The following PDE4B variants were observed in gnomAD, a reference collection of about 807,000 sequenced individuals.
PDE4B encodes phosphodiesterase 4B, also known as 3',5'-cyclic-AMP phosphodiesterase 4B.
A neutral mutation model predicts 82.2 loss-of-function variants in PDE4B; 20 were observed. The observed-to-expected ratio is 0.24, with a 90% CI of 0.17 to 0.35. The LOEUF (loss-of-function observed/expected upper bound fraction) is 0.35. Ranked by LOEUF, PDE4B falls within the 10% of genes least tolerant of loss-of-function variation. The pLI is 1.00. For synonymous variants in PDE4B, 320 were observed against 318.9 expected, an observed-to-expected ratio of 1.00 and a Z score of -0.04; for missense variants, 655 against 907.2, an observed-to-expected ratio of 0.72 and a Z score of 3.57.
intron 3 of PDE4B, among the ~76,000 whole-genome samples, chr1:66,068,921 GT>G (rs1425711951): frequency 6.6e-6 from 1 of 151,996 alleles, no homozygotes; most frequent in Non-Finnish European, 1.5e-5. Context: ...TCACCTCACA[GT>G]GTGGCTAAAT....
chr1:66,039,397 A>G (rs766862521), intron 3 of PDE4B, among the ~76,000 whole-genome samples: 3 of 152,092 alleles, frequency 2.0e-5, no homozygotes, highest in African/African-American at 4.8e-5. Context: ...GCTTTTCAAG[A>G]CATAGAGAAT....
At chr1:66,149,307 A>G (rs1413053896) in intron 3 of PDE4B, among the ~76,000 whole-genome samples, 1 of 152,118 alleles carries the variant, frequency 6.6e-6, no homozygotes, top group Non-Finnish European at 1.5e-5. Flanking sequence ...CATTTAAATT[A>G]TTATATTTTT....
intron 3 of PDE4B, among the ~76,000 whole-genome samples, chr1:66,051,208 A>G (rs1655008275): frequency 6.6e-6 from 1 of 152,042 alleles, no homozygotes; most frequent in African/African-American, 2.4e-5. Context: ...AAAGTATAAT[A>G]ATAATAAAAT....
intron 3 of PDE4B, among the ~76,000 whole-genome samples, chr1:65,937,458 C>A (rs1390910750): frequency 1.3e-5 from 2 of 152,190 alleles, no homozygotes; most frequent in African/African-American, 4.8e-5. Flanking sequence ...TGCCTCTCAG[C>A]TGCAGATCCT....
chr1:66,185,262 C>T (rs1331218363), intron 3 of PDE4B, among the ~76,000 whole-genome samples: 2 of 152,172 alleles, frequency 1.3e-5, no homozygotes, highest in African/African-American at 4.8e-5. Context: ...TGGGTTGGTT[C>T]CAAATCTTTG....
At chr1:65,797,601 A>T (rs1040475415) in intron 1 of PDE4B, among the ~76,000 whole-genome samples, 1 of 152,150 alleles carries the variant, frequency 6.6e-6, no homozygotes, top group African/African-American at 2.4e-5. Context: ...GGGAAGAAGA[A>T]GCCTCCCCAG....
chr1:66,193,482 A>G (rs1030616744), intron 3 of PDE4B, among the ~76,000 whole-genome samples: 10 of 152,136 alleles, frequency 6.6e-5, no homozygotes, highest in Non-Finnish European at 1.5e-4. Flanking sequence ...GACCAATTTC[A>G]AATTATTTTT....
At chr1:65,950,964 A>G (rs1220045087) in intron 3 of PDE4B, among the ~76,000 whole-genome samples, 3 of 152,104 alleles carry the variant, frequency 2.0e-5, no homozygotes, top group East Asian at 3.9e-4. Context: ...GAAATCTTCT[A>G]TAGTCTTGGA....
rs555680945 is a variant in PDE4B at position 66,334,571 on chromosome 1, C to T, written c.747+1951C>T. On this transcript the variant is annotated intron_variant, in intron 8 of 16. Coordinates refer to ENST00000341517, the MANE Select transcript of PDE4B (RefSeq NM_002600.4). ...AGCTAACCCTAACAAAAGGGCTAAC[C>T]TTCAATGCTGACACAGTTAGCTTAA... Among the ~76,000 whole-genome samples, 34 of 152,292 alleles carry T rather than the reference C, an allele frequency of 2.2e-4. No individual in the cohort carries two copies. The South Asian group carries it at 7.1e-3, about 32-fold the overall frequency.
At chr1:65,923,601 A>G (rs963780905) in intron 3 of PDE4B, among the ~76,000 whole-genome samples, 5 of 152,226 alleles carry the variant, frequency 3.3e-5, no homozygotes, top group Non-Finnish European at 7.3e-5. Flanking sequence ...TTTTGCCTGA[A>G]GTAAATTCTT....
intron 7 of PDE4B, among the ~76,000 whole-genome samples, chr1:66,322,201 T>C (rs1020899950): frequency 1.7e-4 from 26 of 152,000 alleles, no homozygotes; most frequent in African/African-American, 6.0e-4. Flanking sequence ...AAATGTAAGA[T>C]CTAACACCAT....
chr1:66,366,005 G>C (rs1000664691), intron 13 of PDE4B, among the ~76,000 whole-genome samples: 1 of 151,974 alleles, frequency 6.6e-6, no homozygotes, highest in Non-Finnish European at 1.5e-5. Flanking sequence ...CTCAAAATTT[G>C]GCAAATACAA....
chr1:65,903,315 G>A (rs556016993), intron 1 of PDE4B, among the ~76,000 whole-genome samples: 1 of 152,052 alleles, frequency 6.6e-6, no homozygotes. Flanking sequence ...AAATTTCATG[G>A]ATGAGTCCAT....
chr1:66,229,255 C>T (rs1021669075), intron 3 of PDE4B, among the ~76,000 whole-genome samples: 19 of 151,918 alleles, frequency 1.3e-4, no homozygotes, highest in African/African-American at 4.6e-4. Context: ...GTGATCCGCC[C>T]GCCTCGGCCT....
At chr1:65,839,085 T>G (rs34280859) in intron 1 of PDE4B, among the ~76,000 whole-genome samples, 24,684 of 152,088 alleles carry the variant, frequency 0.16, 2,543 homozygotes, top group Non-Finnish European at 0.23. Flanking sequence ...CTGTATACTT[T>G]AGGATTTGGA....
At position 66,248,939 on chromosome 1, in the gene PDE4B, G is replaced by C. The variant is rs114730979; in HGVS notation, c.476+1285G>C. On this transcript the variant is annotated intron_variant, in intron 4 of 16. Transcript: ENST00000341517. ...ATAGATGATGAAACTGGGACTCTGA[G>C]AGATTGAGAAACTTGCCCCTATCCC... 7.9e-3 allele frequency among the ~76,000 whole-genome samples: 1,210 copies of C among 152,302 alleles called. 16 individuals carry two copies. The highest frequency in any genetic ancestry group is 0.028 in the African/African-American group (1,147 of 41,562).
At chr1:65,982,976 G>T (rs1650763795) in intron 3 of PDE4B, among the ~76,000 whole-genome samples, 1 of 152,144 alleles carries the variant, frequency 6.6e-6, no homozygotes, top group South Asian at 2.1e-4. Context: ...GGCAGGTCTG[G>T]CCACTAATGC....
At chr1:66,067,716 G>A (rs930331799) in intron 3 of PDE4B, among the ~76,000 whole-genome samples, 1 of 151,896 alleles carries the variant, frequency 6.6e-6, no homozygotes, top group Non-Finnish European at 1.5e-5. Flanking sequence ...GTCAATTTTG[G>A]CTTTTATTGC....
chr1:66,265,006 C>T (rs1654934984), intron 6 of PDE4B, among the ~76,000 whole-genome samples: 1 of 152,228 alleles, frequency 6.6e-6, no homozygotes, highest in African/African-American at 2.4e-5. Flanking sequence ...ACTAGAGTCT[C>T]ACTCTCTTGC....
Sources: gnomAD v4.1 joint callset for allele counts (sites outside exome capture counted in the v4.1 genomes callset) on GRCh38, gnomAD v4.1.1 for gene constraint, MANE v1.5 for transcripts, NCBI Gene and HGNC (gene_info 2026-07-23, HGNC 2026-07-21) for gene names.